STRBP: variants seen among roughly 807,000 people sequenced by gnomAD.
The protein encoded by STRBP is spermatid perinuclear RNA-binding protein.
Under a neutral mutation model 80.1 loss-of-function variants are expected in STRBP, and 13 were observed. That is an observed-to-expected ratio of 0.16 (90% confidence interval 0.11 to 0.26). The LOEUF (loss-of-function observed/expected upper bound fraction) is 0.26, where lower values mean the gene tolerates loss of function less well. Ranked by LOEUF, STRBP falls within the 10% of genes least tolerant of loss-of-function variation. The pLI is 1.00. For missense variants in STRBP, 485 were observed against 815.2 expected (o/e 0.59, Z 4.93); for synonymous variants, 284 against 291.2 (o/e 0.98, Z 0.25).
chr9:123,200,636 C>T (rs1273060804), intron 2 of STRBP, among the ~76,000 whole-genome samples: 1 of 148,158 alleles, frequency 6.7e-6, no homozygotes, highest in African/African-American at 2.5e-5. Flanking sequence ...GGCGCGAACT[C>T]GGCTCACTGC....
chr9:123,235,340 T>C (rs1003047564), intron 2 of STRBP, among the ~76,000 whole-genome samples: 3 of 150,880 alleles, frequency 2.0e-5, no homozygotes, highest in Non-Finnish European at 4.4e-5. Context: ...TATGTTAAAA[T>C]AATGGATTAC....
chr9:123,208,310 G>A (rs542107688), intron 2 of STRBP, among the ~76,000 whole-genome samples: 89 of 152,232 alleles, frequency 5.8e-4, no homozygotes, highest in Non-Finnish European at 1.1e-3. Flanking sequence ...CTTTTGTTAG[G>A]ACAGATCTAT....
intron 6 of STRBP, 128 bp downstream of exon 6, chr9:123,169,774 G>A: frequency 2.0e-6 from 1 of 510,808 alleles, no homozygotes; most frequent in Non-Finnish European, 2.8e-6. Context: ...ATTAAATAGA[G>A]TGGCATAAAA....
At position 123,239,189 on chromosome 9, in the gene STRBP, C is replaced by T. The variant is rs138089551; in HGVS notation, c.-301-2223G>A. On this transcript the variant is annotated intron_variant, in intron 1 of 18. Transcript: ENST00000348403. ...AGGAGATTGAGACCATCCTGGCTAA[C>T]ACGGTGAAACCCTGTCTCCACTAAA... 3.2e-3 allele frequency among the ~76,000 whole-genome samples: 481 copies of T among 152,294 alleles called. 2 individuals are homozygous for T. The highest frequency in any genetic ancestry group is 0.011 in the African/African-American group (462 of 41,560).
At chr9:123,258,673 G>A (rs903436454) in intron 1 of STRBP, among the ~76,000 whole-genome samples, 12 of 152,118 alleles carry the variant, frequency 7.9e-5, no homozygotes, top group East Asian at 5.8e-4. Flanking sequence ...GCATGGTGGC[G>A]GGCGCCTGTC....
intron 2 of STRBP, among the ~76,000 whole-genome samples, chr9:123,187,127 T>C (rs908890308): frequency 6.6e-6 from 1 of 152,108 alleles, no homozygotes; most frequent in African/African-American, 2.4e-5. Context: ...ATAAGGAAAC[T>C]AAAGCATAAA....
At position 123,156,545 on chromosome 9, in the gene STRBP, AAAAC is replaced by A. The variant is rs141353557; in HGVS notation, c.1045+1463_1045+1466del. Among the ~76,000 whole-genome samples, 530 of 152,256 alleles carry A rather than the reference AAAAC, an allele frequency of 3.5e-3. 4 individuals carry two copies. The highest frequency in any genetic ancestry group is 0.012 in the African/African-American group (506 of 41,556). On this transcript the variant is annotated intron_variant, in intron 11 of 18. Coordinates refer to ENST00000348403, the MANE Select transcript of STRBP (RefSeq NM_018387.5). Reference sequence around the variant, plus strand: ...TGTCAATATTGAGCATATTAAAAATAAAACAAAACAATTTTAAACACAAGGATAT... The same window carrying A: ...TGTCAATATTGAGCATATTAAAAATAAAAACAATTTTAAACACAAGGATAT...
intron 12 of STRBP, among the ~76,000 whole-genome samples, chr9:123,147,565 T>TCAA (rs1227227913): frequency 3.3e-5 from 5 of 150,522 alleles, no homozygotes; most frequent in Non-Finnish European, 7.4e-5. Context: ...TGATCCCTAC[T>TCAA]ATTTGAGAAG....
intron 14 of STRBP, among the ~76,000 whole-genome samples, chr9:123,138,156 A>G (rs1255603330): frequency 6.6e-6 from 1 of 152,230 alleles, no homozygotes; most frequent in East Asian, 1.9e-4. Context: ...AGTCACTACC[A>G]AAACTTTTTA....
chr9:123,119,218 C>T (rs878975836), downstream of STRBP, among the ~76,000 whole-genome samples: 1 of 152,122 alleles, frequency 6.6e-6, no homozygotes, highest in Admixed American at 6.5e-5. Context: ...AAGGAACTTG[C>T]TTTCTACCTA....
chr9:123,222,883 C>T (rs193038071), intron 2 of STRBP, among the ~76,000 whole-genome samples: 9 of 151,842 alleles, frequency 5.9e-5, no homozygotes, highest in Admixed American at 3.3e-4. Flanking sequence ...TGCACAGGAA[C>T]GTTTATGACA....
In STRBP at chr9:123,125,491, T is replaced by C; in HGVS notation, c.*106A>G. 2 of 1,325,934 alleles carry C rather than the reference T, an allele frequency of 1.5e-6. No individual in the cohort carries two copies. The highest frequency in any genetic ancestry group is 1.9e-6 in the Non-Finnish European group (2 of 1,030,044). 82.1% of individuals were successfully genotyped at this position (1,325,934 alleles called of 1,614,324 possible). Reference sequence around the variant, plus strand: ...TAGGAAAGATGTTCTTTACAAATAATTTTGATCAAGTATGTGTTCAAAGAA... The same window carrying C: ...TAGGAAAGATGTTCTTTACAAATAACTTTGATCAAGTATGTGTTCAAAGAA... On this transcript the variant is annotated 3_prime_UTR_variant, in exon 19 of 19. Coordinates refer to ENST00000348403, the MANE Select transcript of STRBP (RefSeq NM_018387.5).
intron 4 of STRBP, among the ~76,000 whole-genome samples, chr9:123,176,925 T>C (rs2038244224): frequency 6.6e-6 from 1 of 152,154 alleles, no homozygotes; most frequent in Non-Finnish European, 1.5e-5. Context: ...TGAATCCATT[T>C]TGAAAAAGGT....
chr9:123,202,058 T>C (rs989498494), intron 2 of STRBP, among the ~76,000 whole-genome samples: 8 of 152,356 alleles, frequency 5.3e-5, no homozygotes, highest in South Asian at 4.1e-4. Context: ...TCCTGTTTGC[T>C]TTTGGTTTCC....
intron 1 of STRBP, among the ~76,000 whole-genome samples, chr9:123,255,270 T>C (rs796214764): frequency 2.6e-5 from 4 of 152,340 alleles, no homozygotes; most frequent in African/African-American, 7.2e-5. Flanking sequence ...CTACCACTAA[T>C]TAGGTTAAAA....
chr9:123,122,351 CCA>C lies in STRBP; in HGVS notation c.*3244_*3245del. 7.8e-7 allele frequency: 1 copy of C among 1,287,220 alleles called. No individual in the cohort carries two copies. The highest frequency in any genetic ancestry group is 1.5e-5 in the African/African-American group (1 of 65,554). The allele number at this position is 1,287,220 out of a possible 1,614,324, so 79.7% of individuals were successfully genotyped here. On this transcript the variant is annotated 3_prime_UTR_variant, in exon 19 of 19. Transcript: ENST00000348403. ...CCTGAAATACACAGAGGGTCCAACA[CCA>C]GTTTTAAAAATACATTAACGAGGTA...
intron 2 of STRBP, among the ~76,000 whole-genome samples, chr9:123,191,226 T>C (rs141114032): frequency 3.9e-5 from 6 of 152,186 alleles, no homozygotes; most frequent in Non-Finnish European, 5.9e-5. Flanking sequence ...TAACAGATAG[T>C]CAAGGGTTCA....
chr9:123,153,194 T>TC, intron 11 of STRBP, among the ~76,000 whole-genome samples: 1 of 151,510 alleles, frequency 6.6e-6, no homozygotes, highest in African/African-American at 2.4e-5. Context: ...TAGACTCATT[T>TC]TTTTTTTTTT....
chr9:123,241,981 G>A (rs2040704403), intron 1 of STRBP, among the ~76,000 whole-genome samples: 1 of 152,122 alleles, frequency 6.6e-6, no homozygotes, highest in African/African-American at 2.4e-5. Flanking sequence ...CAGACACCCT[G>A]TCCTCCTTTT....
Sources: gnomAD v4.1 joint callset for allele counts (sites outside exome capture counted in the v4.1 genomes callset) on GRCh38, gnomAD v4.1.1 for gene constraint, MANE v1.5 for transcripts, NCBI Gene and HGNC (gene_info 2026-07-23, HGNC 2026-07-21) for gene names.